PLOD2: variants seen among roughly 807,000 people sequenced by gnomAD.
PLOD2 encodes the protein lysine hydroxylase 2.
Under a neutral mutation model 101.0 loss-of-function variants are expected in PLOD2, and 65 were observed. The observed-to-expected ratio is 0.64, with a 90% CI of 0.53 to 0.79. The LOEUF is 0.79. PLOD2 is among the 30% of genes least tolerant of loss of function. The pLI is 0.00. For missense variants in PLOD2, 909 were observed against 914.6 expected (o/e 0.99, Z 0.08); for synonymous variants, 314 against 302.9 (o/e 1.04, Z -0.38).
chr3:146,109,551 A>G (rs1184151384), intron 4 of PLOD2, among the ~76,000 whole-genome samples: 1 of 152,156 alleles, frequency 6.6e-6, no homozygotes, highest in African/African-American at 2.4e-5. Context: ...CCATTTTTCC[A>G]ATGTGGTTTG....
chr3:146,111,385 A>C (rs576953866), intron 3 of PLOD2, among the ~76,000 whole-genome samples: 1 of 152,300 alleles, frequency 6.6e-6, no homozygotes, highest in African/African-American at 2.4e-5. Flanking sequence ...CACCTCTGCC[A>C]CTTGATATGA....
At position 146,081,819 on chromosome 3, in the gene PLOD2, G is replaced by C; in HGVS notation, c.1277C>G (p.Ser426Cys). 6.2e-7 allele frequency: 1 copy of C among 1,612,242 alleles called. No homozygotes were observed. The change falls in exon 12 of 20, where the codon TCC becomes TGC. Residue 426 changes from serine (S) to cysteine (C), a missense_variant. By Grantham distance (112) the Ser-to-Cys change is moderately radical. Coordinates refer to ENST00000282903, the MANE Select transcript of PLOD2 (RefSeq NM_182943.3). ...PLVTRHGKLW[S>C]NFWGALSPDG... Reference sequence around the variant, plus strand: ...AGGACTCAATGCTCCCCAGAAATTGGACCACAGCTTTCCATGACGAGTTAC... The same window carrying C: ...AGGACTCAATGCTCCCCAGAAATTGCACCACAGCTTTCCATGACGAGTTAC...
intron 1 of PLOD2, among the ~76,000 whole-genome samples, chr3:146,131,355 C>T (rs560541810): frequency 2.0e-4 from 31 of 152,226 alleles, no homozygotes; most frequent in African/African-American, 7.0e-4. Context: ...TCACTGAACC[C>T]GCAGGTGGTC....
intron 4 of PLOD2, among the ~76,000 whole-genome samples, chr3:146,108,634 T>C (rs1937576458): frequency 6.6e-6 from 1 of 152,232 alleles, no homozygotes; most frequent in South Asian, 2.1e-4. Context: ...ACAGAAAGCA[T>C]AAGGATGATG....
Position 146,102,762 on chromosome 3 carries a change from G to A in PLOD2, c.770C>T (p.Pro257Leu). The A allele has an allele frequency of 6.5e-7, 1 of 1,528,356 alleles. No homozygotes were observed. The highest frequency in any genetic ancestry group is 1.4e-5 in the African/African-American group (1 of 73,216). 94.7% of individuals were successfully genotyped at this position (1,528,356 alleles called of 1,614,324 possible). ...TLPVAINGNG[P>L]TKILLNYFGN... ...AAAGTAACTGTTACTTACCTTGGTGGGTCCATTTCCATTAATTGCCACTGG... is the reference window on the plus strand; with the variant it reads ...AAAGTAACTGTTACTTACCTTGGTGAGTCCATTTCCATTAATTGCCACTGG... The change falls in exon 7 of 20, where the codon CCC becomes CTC. Residue 257 changes from proline to leucine, a missense_variant. By Grantham distance (98) the Pro-to-Leu change is moderately conservative (BLOSUM62 -3). Transcript: ENST00000282903.
At chr3:146,130,622 A>C (rs2030854956) in intron 1 of PLOD2, among the ~76,000 whole-genome samples, 1 of 152,162 alleles carries the variant, frequency 6.6e-6, no homozygotes, top group Non-Finnish European at 1.5e-5. Context: ...TAATTTAACA[A>C]AATCCCTATG....
chr3:146,095,354 T>A (rs1354612873), intron 7 of PLOD2, among the ~76,000 whole-genome samples: 5 of 39,080 alleles, frequency 1.3e-4, no homozygotes, highest in African/African-American at 2.8e-4. Context: ...CTTAAACAAA[T>A]TTACAAGAAA....
In PLOD2 at chr3:146,119,655, A is replaced by G. The variant is rs188626833; in HGVS notation, c.338+1457T>C. Among the ~76,000 whole-genome samples the G allele has an allele frequency of 4.9e-3, 742 of 150,892 alleles. 7 individuals carry two copies. Among genetic ancestry groups the G allele is most frequent in the African/African-American group, 0.017 (706 of 41,006 alleles). ...CCCCTTCCTGTGTCCATGTGATCTC[A>G]TTGTTCAATTCCCACCTATGAGTGA... On this transcript the variant is annotated intron_variant, in intron 3 of 19. Coordinates refer to ENST00000282903, the MANE Select transcript of PLOD2 (RefSeq NM_182943.3).
chr3:146,097,809 T>TAAA (rs1241419413), intron 7 of PLOD2, among the ~76,000 whole-genome samples: 2 of 94,606 alleles, frequency 2.1e-5, no homozygotes, highest in Non-Finnish European at 4.3e-5. Flanking sequence ...AAAAAAATAA[T>TAAA]AATAATAATA....
intron 7 of PLOD2, among the ~76,000 whole-genome samples, chr3:146,094,585 G>T (rs981213834): frequency 1.3e-5 from 2 of 152,166 alleles, no homozygotes; most frequent in African/African-American, 4.8e-5. Flanking sequence ...AAATAAGAGA[G>T]AACACAAACG....
intron 1 of PLOD2, among the ~76,000 whole-genome samples, chr3:146,143,746 C>T (rs2031642799): frequency 6.6e-6 from 1 of 152,066 alleles, no homozygotes; most frequent in Non-Finnish European, 1.5e-5. Context: ...ACTACATTCA[C>T]CAACCAAAAG....
At chr3:146,159,376 A>AGAT (rs931887552) in intron 1 of PLOD2, among the ~76,000 whole-genome samples, 10 of 152,250 alleles carry the variant, frequency 6.6e-5, no homozygotes, top group African/African-American at 1.9e-4. Context: ...ATATAAAGGC[A>AGAT]GATACAAAGG....
chr3:146,129,659 G>A (rs1463150207), intron 1 of PLOD2, among the ~76,000 whole-genome samples: 1 of 152,164 alleles, frequency 6.6e-6, no homozygotes, highest in Non-Finnish European at 1.5e-5. Context: ...GGATGCATGT[G>A]CAAGATAGAC....
chr3:146,144,296 A>C (rs2031666998), intron 1 of PLOD2, among the ~76,000 whole-genome samples: 2 of 152,178 alleles, frequency 1.3e-5, no homozygotes, highest in Non-Finnish European at 2.9e-5. Context: ...TAGCAAGTAA[A>C]TAAATCACTA....
Position 146,085,155 on chromosome 3 carries a change from A to G in PLOD2, c.1232+14T>C, listed in dbSNP as rs1390706980. 8.6e-7 allele frequency: 1 copy of G among 1,164,386 alleles called. No homozygotes were observed. The highest frequency in any genetic ancestry group is 1.3e-6 in the Non-Finnish European group (1 of 771,592). The allele number at this position is 1,164,386 out of a possible 1,614,324, so 72.1% of individuals were successfully genotyped here. A position where few individuals can be genotyped will look rare whatever the true frequency, so the allele number is the denominator to read the frequency against. On this transcript the variant is annotated intron_variant, in intron 11 of 19. Coordinates refer to ENST00000282903, the MANE Select transcript of PLOD2 (RefSeq NM_182943.3). The stretch of plus-strand genomic sequence containing the variant: ...CATTTTAACAATAAATTGATATCGA[A>G]TTTTAGAAAGTACCTGTTTTGTTCA...
At chr3:146,106,725 G>T in intron 4 of PLOD2, 81 bp from the exon 5 acceptor site, 1 of 785,406 alleles carries the variant, frequency 1.3e-6, no homozygotes, top group Admixed American at 1.7e-5. Flanking sequence ...CTGACCAGTT[G>T]AACAGAGTTG....
chr3:146,137,966 G>T (rs1048921032), intron 1 of PLOD2, among the ~76,000 whole-genome samples: 1 of 152,078 alleles, frequency 6.6e-6, no homozygotes, highest in Non-Finnish European at 1.5e-5. Context: ...CAGTTAAGTG[G>T]GTCTCAAAGA....
rs749524785 is a variant in PLOD2, at chr3:146,070,750, T to C, written c.2244A>G (p.Thr748=). 6.2e-7 allele frequency: 1 copy of C among 1,608,016 alleles called. No individual in the cohort carries two copies. The highest frequency in any genetic ancestry group is 1.1e-5 in the South Asian group (1 of 90,930). ...LHEGLPVKNG[T]RYIAVSFIDP is the part of the protein sequence containing the mutation. ...CTATAAATGACACTGCAATGTATCT[T>C]GTTCCATTTTTAACAGGAAGTCCTT... Residue 748 remains threonine (T), a synonymous_variant, in exon 20 of 20, where the codon ACA becomes ACG. Transcript: ENST00000282903.
rs1389162635 is a variant in PLOD2 at position 146,081,959 on chromosome 3, A to G, written c.1233-96T>C. The stretch of plus-strand genomic sequence containing the variant: ...TTATGTATTTTGGGCTTAGTATGAC[A>G]TATAACACAAGAAAGCTCATTCAAC... On this transcript the variant is annotated intron_variant, in intron 11 of 19. Coordinates refer to ENST00000282903, the MANE Select transcript of PLOD2 (RefSeq NM_182943.3). The G allele has an allele frequency of 2.9e-6, 3 of 1,052,330 alleles. No individual in the cohort carries two copies. In the Admixed American group the frequency reaches 7.3e-5, roughly 26 times the overall value. The allele number at this position is 1,052,330 out of a possible 1,614,324, so 65.2% of individuals were successfully genotyped here.
Sources: allele counts gnomAD v4.1 joint callset (sites outside exome capture counted in the v4.1 genomes callset), GRCh38; gene constraint gnomAD v4.1.1; transcripts MANE v1.5; gene names NCBI Gene and HGNC (gene_info 2026-07-23, HGNC 2026-07-21).